Variants in KALRN observed in about 807,000 individuals in gnomAD.
KALRN encodes kalirin RhoGEF kinase.
Under a neutral mutation model 353.7 loss-of-function variants are expected in KALRN, and 70 were observed. The ratio of observed to expected loss-of-function variants is 0.20; its 90% CI spans 0.16 to 0.24. KALRN has a LOEUF of 0.24. Ranked by LOEUF, KALRN falls within the 10% of genes least tolerant of loss-of-function variation. KALRN has a pLI of 1.00. For missense variants in KALRN, 2,791 were observed against 3,756.7 expected, an observed-to-expected ratio of 0.74 and a Z score of 6.72; for synonymous variants, 1,391 against 1,434.8, an observed-to-expected ratio of 0.97 and a Z score of 0.69.
intron 14 of KALRN, among the ~76,000 whole-genome samples, chr3:124,419,555 A>G (rs1180207123): frequency 6.6e-6 from 1 of 151,982 alleles, no homozygotes; most frequent in East Asian, 1.9e-4. Context: ...TCGTTTGTTC[A>G]TTGATTAGGT....
At chr3:124,568,440 T>C (rs2073117258) in intron 34 of KALRN, among the ~76,000 whole-genome samples, 1 of 152,194 alleles carries the variant, frequency 6.6e-6, no homozygotes, top group Admixed American at 6.5e-5. Flanking sequence ...TGGAAAACAG[T>C]ATGGGATTCC....
intron 33 of KALRN, among the ~76,000 whole-genome samples, chr3:124,540,732 G>C (rs548698884): frequency 6.6e-6 from 1 of 152,194 alleles, no homozygotes; most frequent in Non-Finnish European, 1.5e-5. Flanking sequence ...TCATGGTGCT[G>C]TGAAGGTCAA....
At chr3:124,262,000 A>G (rs1384928630) in intron 3 of KALRN, among the ~76,000 whole-genome samples, 1 of 152,156 alleles carries the variant, frequency 6.6e-6, no homozygotes, top group Non-Finnish European at 1.5e-5. Context: ...TAGTAATCAA[A>G]GAAATGCAAA....
intron 36 of KALRN, among the ~76,000 whole-genome samples, chr3:124,634,178 G>T (rs2081099889): frequency 1.3e-5 from 2 of 152,172 alleles, no homozygotes; most frequent in African/African-American, 4.8e-5. Flanking sequence ...AATTCTCAAA[G>T]TGGGAATCTG....
chr3:124,679,428 T>C (rs1455224673), intron 50 of KALRN, 30 bp from the exon 51 acceptor site: 1 of 1,603,108 alleles, frequency 6.2e-7, no homozygotes, highest in Non-Finnish European at 8.5e-7. Context: ...GTGTTCTCTT[T>C]CTTCCCCCTT....
chr3:124,081,792 C>T (rs1362635700), intron 1 of KALRN, among the ~76,000 whole-genome samples: 1 of 151,904 alleles, frequency 6.6e-6, no homozygotes, highest in Non-Finnish European at 1.5e-5. Flanking sequence ...ACTTCAAAAA[C>T]AAACAAACAA....
At chr3:124,701,888 C>A in intron 56 of KALRN, 150 bp from the exon 57 acceptor site, 1 of 584,010 alleles carries the variant, frequency 1.7e-6, no homozygotes, top group Non-Finnish European at 3.0e-6. Flanking sequence ...AAATAACATT[C>A]CAGAGAATCA....
intron 1 of KALRN, among the ~76,000 whole-genome samples, chr3:124,045,148 T>C (rs1325414115): frequency 1.3e-5 from 2 of 152,032 alleles, no homozygotes; most frequent in Non-Finnish European, 2.9e-5. Context: ...CCCGGGAGAC[T>C]GGCAGATGGT....
chr3:124,513,800 A>C (rs2066222895), intron 33 of KALRN, among the ~76,000 whole-genome samples: 1 of 152,012 alleles, frequency 6.6e-6, no homozygotes, highest in Admixed American at 6.6e-5. Context: ...CCAGCCTGTC[A>C]CTCAGGAGGC....
chr3:124,344,496 C>T (rs1259735380), intron 9 of KALRN, among the ~76,000 whole-genome samples: 1 of 152,198 alleles, frequency 6.6e-6, no homozygotes, highest in African/African-American at 2.4e-5. Context: ...CTGTCTGAAA[C>T]AAAATAGTCA....
chr3:124,673,110 T>C (rs2086666963), intron 48 of KALRN, among the ~76,000 whole-genome samples: 1 of 152,138 alleles, frequency 6.6e-6, no homozygotes, highest in Non-Finnish European at 1.5e-5. Flanking sequence ...TCGGGCCAGA[T>C]GCGCTGGCTC....
intron 1 of KALRN, among the ~76,000 whole-genome samples, chr3:124,131,688 G>A (rs2065301121): frequency 6.6e-6 from 1 of 152,196 alleles, no homozygotes; most frequent in African/African-American, 2.4e-5. Context: ...TGACTTGTGT[G>A]TTGGGAAATT....
At chr3:124,551,401 C>G (rs546303081) in intron 33 of KALRN, among the ~76,000 whole-genome samples, 1 of 152,274 alleles carries the variant, frequency 6.6e-6, no homozygotes, top group South Asian at 2.1e-4. Context: ...TGCTGGGAAC[C>G]CTTTCCGTTG....
Position 124,494,458 on chromosome 3 carries a change from A to G in KALRN, c.4832+1576A>G, listed in dbSNP as rs1050793607. Among the ~76,000 whole-genome samples the G allele has an allele frequency of 2.6e-5, 4 of 152,346 alleles. No homozygotes were observed. In the East Asian group the frequency reaches 7.7e-4, roughly 29 times the overall value. ...ACAGCCAGCTCTCAACTGTCTACAC[A>G]TGGTGGGGAGCGCTGGCCCAGATAA... On this transcript the variant is annotated intron_variant, in intron 32 of 59. Transcript: ENST00000682506.
intron 3 of KALRN, among the ~76,000 whole-genome samples, chr3:124,253,210 C>T (rs545381646): frequency 3.2e-4 from 48 of 152,300 alleles, no homozygotes; most frequent in African/African-American, 1.1e-3. Context: ...CTAGATCCCA[C>T]AGCCAGAGAC....
chr3:124,678,054 G>T, intron 49 of KALRN, 136 bp from the exon 50 acceptor site: 1 of 857,930 alleles, frequency 1.2e-6, no homozygotes, highest in Non-Finnish European at 1.9e-6. Context: ...TGGAGCTGGT[G>T]TGCAGGTTTG....
intron 13 of KALRN, among the ~76,000 whole-genome samples, chr3:124,409,349 T>C (rs1340837662): frequency 6.6e-6 from 1 of 152,214 alleles, no homozygotes; most frequent in African/African-American, 2.4e-5. Flanking sequence ...CTAAATTCAC[T>C]CACTGGCACA....
chr3:124,470,656 C>G (rs1163620516), intron 25 of KALRN, among the ~76,000 whole-genome samples: 1 of 152,164 alleles, frequency 6.6e-6, no homozygotes, highest in Non-Finnish European at 1.5e-5. Context: ...CATCTATGGA[C>G]TGGATGTGTG....
rs752943086 is a variant in KALRN, at chr3:124,413,627, A to G, written c.2504A>G (p.Gln835Arg). The change falls in exon 14 of 60, where the codon CAG becomes CGG. Residue 835 changes from glutamine to arginine, a missense_variant. By Grantham distance (43) the Gln-to-Arg change is conservative. This residue lies in a region of KALRN where 452 missense variants were observed against 575.8 expected (regional missense o/e 0.78). Coordinates refer to ENST00000682506, the MANE Select transcript of KALRN (RefSeq NM_001388419.1). ...ACCTTTGAGGTTATCCAGCAGGGACAGGATCTGCACCAGTACATCACGGAG... is the reference window on the plus strand; with the variant it reads ...ACCTTTGAGGTTATCCAGCAGGGACGGGATCTGCACCAGTACATCACGGAG... ...NMTFEVIQQG[Q>R]DLHQYITEVQ... 8 of 1,614,170 alleles carry G rather than the reference A, an allele frequency of 5.0e-6. No homozygotes were observed. In the Admixed American group the frequency reaches 6.7e-5, roughly 13 times the overall value.
Sources: gnomAD v4.1 joint callset for allele counts (sites outside exome capture counted in the v4.1 genomes callset) on GRCh38, gnomAD v4.1.1 for gene constraint, gnomAD v4.1.1 regional missense constraint, MANE v1.5 for transcripts, NCBI Gene and HGNC (gene_info 2026-07-23, HGNC 2026-07-21) for gene names.